Variants in LRP1B observed in about 807,000 individuals in gnomAD.
LRP1B encodes the protein LDL receptor related protein 1B.
A neutral mutation model predicts 556.6 loss-of-function variants in LRP1B; 217 were observed. That is an observed-to-expected ratio of 0.39 (90% CI 0.35 to 0.44). LRP1B has a LOEUF of 0.44. Among genes scored for constraint, LRP1B ranks in the 20% least tolerant of loss-of-function variants. LRP1B has a pLI of 1.00. For synonymous variants in LRP1B, 2,047 were observed against 1,865.8 expected (o/e 1.10, Z -2.50); for missense variants, 5,053 against 5,620.8 (o/e 0.90, Z 3.23).
intron 86 of LRP1B, among the ~76,000 whole-genome samples, chr2:140,251,608 G>A (rs903287382): frequency 1.3e-5 from 2 of 151,884 alleles, no homozygotes; most frequent in East Asian, 3.9e-4. Flanking sequence ...TTATACGTAT[G>A]TGCAAGGTTG....
intron 5 of LRP1B, among the ~76,000 whole-genome samples, chr2:141,243,207 G>A (rs968150045): frequency 8.0e-5 from 12 of 149,518 alleles, no homozygotes; most frequent in Admixed American, 7.3e-4. Context: ...TTTTGTGTAG[G>A]TGTCGTGGCT....
intron 1 of LRP1B, among the ~76,000 whole-genome samples, chr2:141,880,771 G>GTCTT (rs1256984979): frequency 6.6e-6 from 1 of 152,006 alleles, no homozygotes; most frequent in Non-Finnish European, 1.5e-5. Flanking sequence ...AGCTAGTGAT[G>GTCTT]TCTTCTACAG....
At chr2:140,552,906 G>T (rs989468384) in intron 43 of LRP1B, among the ~76,000 whole-genome samples, 1 of 151,958 alleles carries the variant, frequency 6.6e-6, no homozygotes, top group African/African-American at 2.4e-5. Flanking sequence ...ATTCATAGTC[G>T]CTAGTCACAT....
intron 43 of LRP1B, 63 bp downstream of exon 43, chr2:140,598,568 A>G: frequency 7.9e-7 from 1 of 1,266,094 alleles, no homozygotes; most frequent in East Asian, 2.4e-5. Context: ...GGAGAGTATA[A>G]ATCACATGTT....
At chr2:141,716,242 A>G (rs1001011557) in intron 2 of LRP1B, among the ~76,000 whole-genome samples, 13 of 152,210 alleles carry the variant, frequency 8.5e-5, no homozygotes, top group African/African-American at 3.1e-4. Context: ...AGAAGCTATA[A>G]AGGGCATTAG....
intron 67 of LRP1B, among the ~76,000 whole-genome samples, chr2:140,384,910 T>C (rs1283228090): frequency 6.6e-6 from 1 of 152,220 alleles, no homozygotes; most frequent in Non-Finnish European, 1.5e-5. Flanking sequence ...TTAAACATGC[T>C]TGTATAGCTT....
At chr2:140,998,423 T>C (rs1375658250) in intron 15 of LRP1B, among the ~76,000 whole-genome samples, 1 of 152,060 alleles carries the variant, frequency 6.6e-6, no homozygotes, top group Non-Finnish European at 1.5e-5. Context: ...TTTATTAATA[T>C]TCTATATTGT....
rs552521773 is a variant in LRP1B at position 141,241,141 on chromosome 2, T to A, written c.592+6085A>T. On this transcript the variant is annotated intron_variant, in intron 5 of 90. Transcript: ENST00000389484. Reference sequence around the variant, plus strand: ...AAAAAAGTGTGTTGTATCATTTGGATAGTAAAAATTCCATCAGAAATCCTT... The same window carrying A: ...AAAAAAGTGTGTTGTATCATTTGGAAAGTAAAAATTCCATCAGAAATCCTT... Among the ~76,000 whole-genome samples, 20 of 152,246 alleles carry A rather than the reference T, an allele frequency of 1.3e-4. No homozygotes were observed. In the East Asian group the frequency reaches 3.9e-3, roughly 29 times the overall value.
In LRP1B at chr2:141,802,776, G is replaced by A. The variant is rs181103992; in HGVS notation, c.205+7503C>T. On this transcript the variant is annotated intron_variant, in intron 2 of 90. Coordinates refer to ENST00000389484, the MANE Select transcript of LRP1B (RefSeq NM_018557.3). ...GACTATAAAGAATAAAGCGTCCTCC[G>A]GGAAGAAATGTGCTCACACATGAAA... Among the ~76,000 whole-genome samples the A allele has an allele frequency of 1.5e-4, 23 of 152,116 alleles. No homozygotes were observed. The East Asian group carries it at 3.5e-3, about 23-fold the overall frequency.
intron 6 of LRP1B, among the ~76,000 whole-genome samples, chr2:141,198,461 G>A (rs1411728919): frequency 1.3e-5 from 2 of 152,132 alleles, no homozygotes; most frequent in Admixed American, 6.6e-5. Flanking sequence ...ACTTCTGAAT[G>A]CTAGCAGTCA....
chr2:140,915,460 C>T (rs1214283020), intron 21 of LRP1B, among the ~76,000 whole-genome samples: 2 of 147,842 alleles, frequency 1.4e-5, no homozygotes, highest in African/African-American at 5.0e-5. Context: ...AACAGCCTGG[C>T]CAACATGGTG....
At chr2:141,265,704 G>A (rs1353164616) in intron 3 of LRP1B, among the ~76,000 whole-genome samples, 1 of 152,132 alleles carries the variant, frequency 6.6e-6, no homozygotes, top group African/African-American at 2.4e-5. Context: ...TAATGAGATA[G>A]ATGTGTGTGT....
intron 90 of LRP1B, 130 bp from the exon 91 acceptor site, chr2:140,233,456 A>T: frequency 1.2e-5 from 7 of 562,804 alleles, no homozygotes; most frequent in Non-Finnish European, 2.0e-5. Context: ...TTAAATAGTA[A>T]TGATTTAAAG....
At chr2:141,289,603 G>A (rs1685864554) in intron 3 of LRP1B, among the ~76,000 whole-genome samples, 1 of 151,916 alleles carries the variant, frequency 6.6e-6, no homozygotes, top group Non-Finnish European at 1.5e-5. Flanking sequence ...ATGATCACAG[G>A]AGCAAAGGGA....
Position 141,452,429 on chromosome 2 carries a change from A to G in LRP1B, c.343+27967T>C, listed in dbSNP as rs117066399. Among the ~76,000 whole-genome samples, 21 of 152,324 alleles carry G rather than the reference A, an allele frequency of 1.4e-4. No homozygotes were observed. The East Asian group carries it at 3.7e-3, about 27-fold the overall frequency. On this transcript the variant is annotated intron_variant, in intron 3 of 90. Coordinates refer to ENST00000389484, the MANE Select transcript of LRP1B (RefSeq NM_018557.3). Reference sequence around the variant, plus strand: ...AGAGAGAATAGAATATATGTTTGCTACTGACAAGTCCATAATTGCATAAAT... The same window carrying G: ...AGAGAGAATAGAATATATGTTTGCTGCTGACAAGTCCATAATTGCATAAAT...
chr2:141,212,115 T>C (rs1682579545), intron 6 of LRP1B, among the ~76,000 whole-genome samples: 1 of 152,114 alleles, frequency 6.6e-6, no homozygotes, highest in South Asian at 2.1e-4. Flanking sequence ...TAAGGAGTTA[T>C]AATATCCTTA....
At chr2:141,331,522 C>CTTTCCT (rs10694161) in intron 3 of LRP1B, among the ~76,000 whole-genome samples, 3 of 140,718 alleles carry the variant, frequency 2.1e-5, no homozygotes, top group African/African-American at 8.7e-5. Context: ...TTCTTTCTTT[C>CTTTCCT]TCTTTCTTTC....
Position 140,872,402 on chromosome 2 carries a change from T to C in LRP1B, c.4170-4139A>G, listed in dbSNP as rs1295200065. Among the ~76,000 whole-genome samples the C allele has an allele frequency of 2.3e-5, 3 of 132,612 alleles. No homozygotes were observed. The East Asian group carries it at 7.0e-4, about 31-fold the overall frequency. 87.0% of individuals were successfully genotyped at this position (132,612 alleles called of 152,430 possible). On this transcript the variant is annotated intron_variant, in intron 25 of 90. Coordinates refer to ENST00000389484, the MANE Select transcript of LRP1B (RefSeq NM_018557.3). ...TTTTTTTTTTTTACTAAAGTAGCTATTGCAACAGAGGCTACTCTTGGTTTT... is the reference window on the plus strand; with the variant it reads ...TTTTTTTTTTTTACTAAAGTAGCTACTGCAACAGAGGCTACTCTTGGTTTT...
chr2:141,668,879 C>G (rs1234601972), intron 2 of LRP1B, among the ~76,000 whole-genome samples: 1 of 152,136 alleles, frequency 6.6e-6, no homozygotes, highest in Non-Finnish European at 1.5e-5. Context: ...AGTGCTTGTC[C>G]TGGCTCCTAC....
Sources: gnomAD v4.1 joint callset for allele counts (sites outside exome capture counted in the v4.1 genomes callset) on GRCh38, gnomAD v4.1.1 for gene constraint, MANE v1.5 for transcripts, NCBI Gene and HGNC (gene_info 2026-07-23, HGNC 2026-07-21) for gene names.